C9orf85: variants seen among roughly 807,000 people sequenced by gnomAD.
The protein encoded by C9orf85 is uncharacterized protein C9orf85.
A neutral mutation model predicts 14.9 loss-of-function variants in C9orf85; 16 were observed. The observed-to-expected ratio is 1.08, with a 90% CI of 0.73 to 1.63. The LOEUF is 1.63. Among genes scored for constraint, C9orf85 ranks in the 40% most tolerant of loss-of-function variants. The pLI, the probability that C9orf85 is intolerant of heterozygous loss-of-function variation, is 0.00. For synonymous variants in C9orf85, 45 were observed against 56.8 expected, an observed-to-expected ratio of 0.79 and a Z score of 0.93; for missense variants, 172 against 186.1, an observed-to-expected ratio of 0.92 and a Z score of 0.44.
chr9:71,975,482 T>TAC (rs1252026449), downstream of C9orf85, among the ~76,000 whole-genome samples: 1 of 145,900 alleles, frequency 6.9e-6, no homozygotes, highest in Non-Finnish European at 1.5e-5. Context: ...TGAATAGAAA[T>TAC]ACTATCTTCA....
intron 1 of C9orf85, among the ~76,000 whole-genome samples, chr9:71,913,794 G>A (rs1490515716): frequency 1.4e-5 from 2 of 146,154 alleles, no homozygotes; most frequent in African/African-American, 4.9e-5. Context: ...CATTTTCTTG[G>A]TGTTATCTAA....
chr9:71,965,915 T>A (rs1822677756), intron 2 of C9orf85, among the ~76,000 whole-genome samples: 1 of 152,206 alleles, frequency 6.6e-6, no homozygotes, highest in African/African-American at 2.4e-5. Context: ...TAAAGATAGC[T>A]TGATAATGAC....
At chr9:71,961,338 G>A (rs1038199182) in intron 2 of C9orf85, among the ~76,000 whole-genome samples, 5 of 151,968 alleles carry the variant, frequency 3.3e-5, no homozygotes, top group African/African-American at 1.2e-4. Context: ...AAGGCGGGTG[G>A]ATCATGAGGT....
At chr9:71,925,498 T>TGG (rs1391085440) in intron 1 of C9orf85, among the ~76,000 whole-genome samples, 1 of 152,144 alleles carries the variant, frequency 6.6e-6, no homozygotes, top group African/African-American at 2.4e-5. Flanking sequence ...ACCAAAAAAC[T>TGG]GAAGAAGGTT....
At chr9:71,954,277 C>CG (rs1249599440) in intron 2 of C9orf85, among the ~76,000 whole-genome samples, 7 of 82,026 alleles carry the variant, frequency 8.5e-5, no homozygotes, top group African/African-American at 1.6e-4. Flanking sequence ...ATTGGTTGGT[C>CG]GGGGGGAGGG....
intron 1 of C9orf85, among the ~76,000 whole-genome samples, chr9:71,935,577 A>G (rs1828168734): frequency 6.6e-6 from 1 of 151,614 alleles, no homozygotes. Context: ...GGATCACTTG[A>G]GGCCAGCAGT....
chr9:71,981,854 C>A (rs1031876144), intron 3 of C9orf85, among the ~76,000 whole-genome samples: 1 of 152,096 alleles, frequency 6.6e-6, no homozygotes, highest in African/African-American at 2.4e-5. Flanking sequence ...TGTATGAAAG[C>A]TTTTCTCATA....
rs1822912115 is a variant in C9orf85 at position 71,972,760 on chromosome 9, G to A, written c.392G>A (p.Cys131Tyr). 6 of 1,609,816 alleles carry A rather than the reference G, an allele frequency of 3.7e-6. No individual in the cohort carries two copies. Among genetic ancestry groups the A allele is most frequent in the Non-Finnish European group, 3.4e-6 (4 of 1,176,556 alleles). Residue 131 changes from cysteine to tyrosine, a missense_variant, in exon 4 of 4, where the codon TGC becomes TAC. Transcript: ENST00000334731. ...CTAAGTTCCAACCATAGAAGAAGCT[G>A]CAGAAGAAATGAAGAAAGTGATGAT... ...NNLSSNHRRSCRRNEESDDDL... is the reference protein window; with the variant it reads ...NNLSSNHRRSYRRNEESDDDL...
chr9:71,947,201 T>C, intron 2 of C9orf85, 89 bp downstream of exon 2: 1 of 838,552 alleles, frequency 1.2e-6, no homozygotes, highest in Non-Finnish European at 1.8e-6. Context: ...TGTGTCCAAA[T>C]AAATGTTAAA....
chr9:71,982,931 G>T, exon 4 of C9orf85: 1 of 208,440 alleles, frequency 4.8e-6, no homozygotes, highest in South Asian at 6.0e-5. Flanking sequence ...ATCATGCCTG[G>T]CCTAATTTGT....
chr9:71,920,076 C>T (rs533208431), intron 1 of C9orf85, among the ~76,000 whole-genome samples: 1 of 152,264 alleles, frequency 6.6e-6, no homozygotes, highest in African/African-American at 2.4e-5. Context: ...GTCTCGATCT[C>T]TTGACCTCGT....
chr9:71,962,963 C>CGA (rs1822561506), intron 2 of C9orf85, among the ~76,000 whole-genome samples: 2 of 151,788 alleles, frequency 1.3e-5, no homozygotes, highest in African/African-American at 4.8e-5. Flanking sequence ...GGCTGAGGCA[C>CGA]GATAATCACT....
At position 71,939,660 on chromosome 9, in the gene C9orf85, A is replaced by C. The variant is rs575116976; in HGVS notation, c.103-7346A>C. 3.9e-5 allele frequency among the ~76,000 whole-genome samples: 6 copies of C among 152,272 alleles called. No homozygotes were observed. In the South Asian group the frequency reaches 1.2e-3, roughly 32 times the overall value. ...AGCAGAGGAATTAGAATAGCCAAAC[A>C]ATTTTGGAAACAAAAATAGTTGGAA... is the stretch of plus-strand genomic sequence containing the variant. On this transcript the variant is annotated intron_variant, in intron 1 of 3. Transcript: ENST00000334731.
At chr9:71,918,932 C>T (rs1333347372) in intron 1 of C9orf85, among the ~76,000 whole-genome samples, 3 of 152,034 alleles carry the variant, frequency 2.0e-5, no homozygotes, top group Non-Finnish European at 4.4e-5. Context: ...CCCCCACCCC[C>T]ACCCTAGTCC....
chr9:71,969,485 C>T (rs1294741856), intron 2 of C9orf85, among the ~76,000 whole-genome samples: 1 of 152,080 alleles, frequency 6.6e-6, no homozygotes, highest in African/African-American at 2.4e-5. Context: ...AGTGCTGTAC[C>T]ATCTTTTATT....
Position 71,911,762 on chromosome 9 carries a change from C to G in C9orf85, c.28C>G (p.Arg10Gly), listed in dbSNP as rs759665303. The change falls in exon 1 of 4, where the codon CGT becomes GGT. Residue 10 changes from arginine (R) to glycine (G), a missense_variant. Physicochemically the swap from Arg to Gly is moderately radical, Grantham distance 125. Transcript: ENST00000334731. ...GAGCTCCCAGAAAGGCAACGTGGCT[C>G]GTTCCAGACCTCAGAAGCACCAGAA... is the stretch of plus-strand genomic sequence containing the variant. The part of the protein sequence containing the change: MSSQKGNVA[R>G]SRPQKHQNTF... 12 of 1,614,090 alleles carry G rather than the reference C, an allele frequency of 7.4e-6. No homozygotes were observed. The South Asian group carries it at 1.3e-4, about 18-fold the overall frequency.
chr9:71,952,591 G>A (rs992951252), intron 2 of C9orf85, among the ~76,000 whole-genome samples: 6 of 151,966 alleles, frequency 3.9e-5, no homozygotes, highest in Non-Finnish European at 8.8e-5. Context: ...TGGTCACCTC[G>A]TGACCTCGTG....
chr9:71,950,343 A>G (rs970725620), intron 2 of C9orf85, among the ~76,000 whole-genome samples: 4 of 148,784 alleles, frequency 2.7e-5, no homozygotes, highest in African/African-American at 7.5e-5. Flanking sequence ...TAGGGTTTGT[A>G]TATGAATTTT....
At chr9:71,935,797 T>C (rs1828173803) in intron 1 of C9orf85, among the ~76,000 whole-genome samples, 1 of 152,150 alleles carries the variant, frequency 6.6e-6, no homozygotes, top group Non-Finnish European at 1.5e-5. Context: ...GTTCTGGACA[T>C]GGATGGTGGT....
Sources: allele counts gnomAD v4.1 joint callset (sites outside exome capture counted in the v4.1 genomes callset), GRCh38; gene constraint gnomAD v4.1.1; transcripts MANE v1.5; gene names NCBI Gene and HGNC (gene_info 2026-07-23, HGNC 2026-07-21).